MECOM: variants seen among roughly 807,000 people sequenced by gnomAD.
MECOM encodes the protein MDS1 and EVI1 complex locus.
In MECOM, 13 loss-of-function variants were observed where a neutral mutation model predicts 116.3. That is an observed-to-expected ratio of 0.11 (90% CI 0.07 to 0.18). MECOM has a LOEUF of 0.18. MECOM is among the 10% of genes least tolerant of loss of function. MECOM has a pLI of 1.00. For missense variants in MECOM, 1,299 were observed against 1,509.0 expected (o/e 0.86, Z 2.31); for synonymous variants, 528 against 535.2 (o/e 0.99, Z 0.19).
At position 169,422,160 on chromosome 3, in the gene MECOM, T is replaced by C. The variant is rs146064858; in HGVS notation, c.38-40636A>G. On this transcript the variant is annotated intron_variant, in intron 1 of 16. Transcript: ENST00000651503. The stretch of plus-strand genomic sequence containing the variant: ...CCAATAAATACTCTCAATTATATGT[T>C]TGAAAGTCAGAGTTCTAGCTGAGAC... Among the ~76,000 whole-genome samples the C allele has an allele frequency of 2.6e-4, 40 of 152,270 alleles. 1 individual carries two copies. Among genetic ancestry groups the C allele is most frequent in the African/African-American group, 8.7e-4 (36 of 41,578 alleles).
intron 2 of MECOM, among the ~76,000 whole-genome samples, chr3:169,284,634 T>C (rs948199290): frequency 2.0e-5 from 3 of 151,952 alleles, no homozygotes; most frequent in African/African-American, 7.3e-5. Context: ...AATATCCATA[T>C]ATATATGCTA....
intron 1 of MECOM, among the ~76,000 whole-genome samples, chr3:169,653,766 CAT>C (rs931984757): frequency 6.6e-6 from 1 of 152,190 alleles, no homozygotes; most frequent in Non-Finnish European, 1.5e-5. Flanking sequence ...CAAATCCTCA[CAT>C]GAGGTAAGTA....
At chr3:169,433,637 A>AAG (rs71635212) in intron 1 of MECOM, among the ~76,000 whole-genome samples, 84 of 87,480 alleles carry the variant, frequency 9.6e-4, no homozygotes, top group African/African-American at 3.6e-3. Context: ...AAGAAAGAGA[A>AAG]AGAGAAAGAA....
intron 1 of MECOM, among the ~76,000 whole-genome samples, chr3:169,626,719 A>T (rs1771422501): frequency 6.6e-6 from 1 of 152,192 alleles, no homozygotes; most frequent in Non-Finnish European, 1.5e-5. Flanking sequence ...TCAGTGTTTC[A>T]TCCTTTACTT....
intron 1 of MECOM, among the ~76,000 whole-genome samples, chr3:169,430,682 C>G (rs11923179): frequency 0.058 from 8,833 of 152,228 alleles, 271 homozygotes; most frequent in Non-Finnish European, 0.066. Context: ...CATTTGTTAC[C>G]TGCTAGTTCC....
At chr3:169,439,251 G>A (rs991991801) in intron 1 of MECOM, among the ~76,000 whole-genome samples, 1 of 145,386 alleles carries the variant, frequency 6.9e-6, no homozygotes, top group Admixed American at 6.9e-5. Flanking sequence ...TTTAGAGATA[G>A]CATAAGGAAA....
At chr3:169,485,267 T>C (rs2108878190) in intron 1 of MECOM, among the ~76,000 whole-genome samples, 1 of 152,242 alleles carries the variant, frequency 6.6e-6, no homozygotes, top group East Asian at 1.9e-4. Flanking sequence ...AGTGCTAGGA[T>C]TACAGGGATG....
chr3:169,360,563 G>T (rs1728129938), intron 2 of MECOM, among the ~76,000 whole-genome samples: 1 of 151,576 alleles, frequency 6.6e-6, no homozygotes, highest in South Asian at 2.1e-4. Flanking sequence ...AAGATTAGAT[G>T]TATTATCACT....
rs1466813897 is a variant in MECOM, at chr3:169,320,212, A to G, written c.375+60975T>C. On this transcript the variant is annotated intron_variant, in intron 2 of 16. Transcript: ENST00000651503. Reference sequence around the variant, plus strand: ...AGGATGGGAGAATTTGAGCTTTTGGATGGTTAAAGGTTAAGGTCAGATATA... The same window carrying G: ...AGGATGGGAGAATTTGAGCTTTTGGGTGGTTAAAGGTTAAGGTCAGATATA... 2.0e-5 allele frequency among the ~76,000 whole-genome samples: 3 copies of G among 152,122 alleles called. No homozygotes were observed. In the East Asian group the frequency reaches 5.8e-4, roughly 29 times the overall value.
At chr3:169,400,668 A>G (rs1383391756) in intron 1 of MECOM, among the ~76,000 whole-genome samples, 2 of 152,226 alleles carry the variant, frequency 1.3e-5, no homozygotes, top group Non-Finnish European at 2.9e-5. Context: ...ATGATCAAGA[A>G]TGTCACATTC....
At chr3:169,316,150 G>A (rs1719705490) in intron 2 of MECOM, among the ~76,000 whole-genome samples, 2 of 152,192 alleles carry the variant, frequency 1.3e-5, no homozygotes, top group Non-Finnish European at 2.9e-5. Context: ...GACAGGGCCT[G>A]GGCTAAAAGC....
At chr3:169,340,140 G>A (rs901373265) in intron 2 of MECOM, among the ~76,000 whole-genome samples, 3 of 152,110 alleles carry the variant, frequency 2.0e-5, no homozygotes, top group Non-Finnish European at 4.4e-5. Flanking sequence ...TTATCACCAC[G>A]ATTTTTGCTA....
chr3:169,488,202 A>G (rs562260796), intron 1 of MECOM, among the ~76,000 whole-genome samples: 1 of 152,120 alleles, frequency 6.6e-6, no homozygotes, highest in South Asian at 2.1e-4. Flanking sequence ...AACAAGTTTG[A>G]TCAAACATAT....
intron 1 of MECOM, among the ~76,000 whole-genome samples, chr3:169,555,811 C>T (rs898911882): frequency 6.6e-6 from 1 of 152,170 alleles, no homozygotes; most frequent in Non-Finnish European, 1.5e-5. Context: ...CGTATAAAAG[C>T]AATTCATCAC....
At chr3:169,399,327 C>A (rs1051686545) in intron 1 of MECOM, among the ~76,000 whole-genome samples, 1 of 152,114 alleles carries the variant, frequency 6.6e-6, no homozygotes, top group African/African-American at 2.4e-5. Flanking sequence ...AGCTCTGAAT[C>A]TGACAGATTT....
At chr3:169,424,043 T>G (rs1211617668) in intron 1 of MECOM, among the ~76,000 whole-genome samples, 7 of 152,130 alleles carry the variant, frequency 4.6e-5, no homozygotes, top group Non-Finnish European at 1.0e-4. Flanking sequence ...TGTAGCCTTC[T>G]TCCTCTGCCA....
intron 2 of MECOM, among the ~76,000 whole-genome samples, chr3:169,213,411 TTTC>T (rs1462211938): frequency 3.3e-5 from 5 of 152,074 alleles, no homozygotes; most frequent in Non-Finnish European, 7.4e-5. Context: ...TTTTTGCAAC[TTTC>T]TTTTCTTTTC....
At chr3:169,264,590 T>C (rs78586413) in intron 2 of MECOM, among the ~76,000 whole-genome samples, 2,393 of 152,248 alleles carry the variant, frequency 0.016, 65 homozygotes, top group African/African-American at 0.055. Flanking sequence ...TCCAACACCC[T>C]TGTTAATCAG....
At chr3:169,147,314 C>A in intron 2 of MECOM, 1 of 985,582 alleles carries the variant, frequency 1.0e-6, no homozygotes. Context: ...CTTCGCGGGT[C>A]CTGGACCCTC....
Sources: gnomAD v4.1 joint callset for allele counts (sites outside exome capture counted in the v4.1 genomes callset) on GRCh38, gnomAD v4.1.1 for gene constraint, MANE v1.5 for transcripts, NCBI Gene and HGNC (gene_info 2026-07-23, HGNC 2026-07-21) for gene names.